MBP: variants seen among roughly 807,000 people sequenced by gnomAD.
MBP encodes the protein myelin basic protein, also known as Golli-MBP.
In MBP, 16 loss-of-function variants were observed where a neutral mutation model predicts 35.8. The observed-to-expected ratio is 0.45, with a 90% CI of 0.30 to 0.68. The LOEUF is 0.68. Ranked by LOEUF, MBP falls within the 30% of genes least tolerant of loss-of-function variation. The pLI is 0.08. For missense variants in MBP, 380 were observed against 404.7 expected, an observed-to-expected ratio of 0.94 and a Z score of 0.52; for synonymous variants, 143 against 159.6, an observed-to-expected ratio of 0.90 and a Z score of 0.78.
intron 3 of MBP, among the ~76,000 whole-genome samples, chr18:77,030,483 T>C (rs1198935757): frequency 1.3e-5 from 2 of 152,216 alleles, no homozygotes; most frequent in African/African-American, 4.8e-5. Flanking sequence ...AGGACGGCCC[T>C]GTGGTACCGG....
In MBP at chr18:77,014,948, G is replaced by T. The variant is rs189656783; in HGVS notation, c.576+1884C>A. The T allele has an allele frequency of 3.1e-4, 301 of 984,278 alleles. 2 individuals carry two copies. The African/African-American group carries it at 4.9e-3, about 16-fold the overall frequency. 61.0% of individuals were successfully genotyped at this position (984,278 alleles called of 1,614,324 possible). The stretch of plus-strand genomic sequence containing the variant: ...AATTATTTTTATTTTTAAAATTTTT[G>T]AAAGTGTTTTGATTTTTATGGGTCC... On this transcript the variant is annotated intron_variant, in intron 4 of 8. Transcript: ENST00000355994.
chr18:77,120,706 G>A (rs1976862479), intron 1 of MBP, among the ~76,000 whole-genome samples: 1 of 152,146 alleles, frequency 6.6e-6, no homozygotes, highest in South Asian at 2.1e-4. Flanking sequence ...ATTGGGATTC[G>A]GAAAACCACG....
intron 1 of MBP, among the ~76,000 whole-genome samples, chr18:77,123,496 G>A (rs762098855): frequency 1.4e-4 from 21 of 152,158 alleles, no homozygotes; most frequent in Non-Finnish European, 2.9e-4. Context: ...GAGCTGTGTC[G>A]ACCTGGAAAC....
At chr18:77,087,945 T>C (rs1010435689) in intron 2 of MBP, among the ~76,000 whole-genome samples, 2 of 151,786 alleles carry the variant, frequency 1.3e-5, no homozygotes, top group Non-Finnish European at 2.9e-5. Flanking sequence ...TTCCACAGCC[T>C]ATGTCCACGC....
At chr18:77,088,430 C>CA (rs1975358107) in intron 2 of MBP, among the ~76,000 whole-genome samples, 1 of 152,224 alleles carries the variant, frequency 6.6e-6, no homozygotes, top group African/African-American at 2.4e-5. Context: ...CAACGTATGA[C>CA]TGTTGGGGCC....
intron 3 of MBP, among the ~76,000 whole-genome samples, chr18:77,056,960 G>A (rs567164371): frequency 2.0e-5 from 3 of 152,212 alleles, no homozygotes; most frequent in Admixed American, 6.5e-5. Context: ...CCACACCCAC[G>A]GCGTGAGATT....
chr18:77,041,600 A>C (rs1415748260), intron 3 of MBP, among the ~76,000 whole-genome samples: 2 of 152,114 alleles, frequency 1.3e-5, no homozygotes, highest in Non-Finnish European at 2.9e-5. Context: ...ATGCAGCCAT[A>C]AAAAATGATG....
chr18:77,014,777 T>C, intron 4 of MBP: 11 of 985,224 alleles, frequency 1.1e-5, no homozygotes, highest in Non-Finnish European at 1.3e-5. Context: ...TCACAGCTGC[T>C]CTGTGATCAC....
At chr18:76,993,981 T>C (rs921590847) in intron 4 of MBP, among the ~76,000 whole-genome samples, 23 of 152,380 alleles carry the variant, frequency 1.5e-4, no homozygotes, top group Admixed American at 1.4e-3. Context: ...AGTAATTCTC[T>C]GATTCTCCTT....
intron 3 of MBP, among the ~76,000 whole-genome samples, chr18:77,027,819 C>G (rs1168556914): frequency 6.6e-6 from 1 of 152,114 alleles, no homozygotes; most frequent in Admixed American, 6.5e-5. Context: ...TCCTGAGGAG[C>G]TGTGACTACA....
intron 3 of MBP, among the ~76,000 whole-genome samples, chr18:77,026,047 G>C (rs910148604): frequency 1.7e-4 from 26 of 152,254 alleles, no homozygotes; most frequent in African/African-American, 6.3e-4. Flanking sequence ...TGCGGAGCCT[G>C]GGATGAGGCT....
intron 2 of MBP, among the ~76,000 whole-genome samples, chr18:77,066,946 C>T (rs1186831999): frequency 1.3e-5 from 2 of 152,346 alleles, no homozygotes; most frequent in Middle Eastern, 3.4e-3. Context: ...TGGGAATCTT[C>T]GGCTTCAGAG....
At chr18:77,103,930 C>G (rs768367914) in intron 2 of MBP, among the ~76,000 whole-genome samples, 4 of 152,264 alleles carry the variant, frequency 2.6e-5, no homozygotes, top group Non-Finnish European at 4.4e-5. Context: ...ATGGCAAATG[C>G]CGTGCTAGAA....
At chr18:77,071,408 G>A (rs1974442725) in intron 2 of MBP, among the ~76,000 whole-genome samples, 2 of 151,322 alleles carry the variant, frequency 1.3e-5, no homozygotes, top group Admixed American at 1.3e-4. Flanking sequence ...GATGTCCTAA[G>A]CTTGTCCAGC....
At chr18:77,040,517 C>T (rs771673678) in intron 3 of MBP, among the ~76,000 whole-genome samples, 6 of 152,162 alleles carry the variant, frequency 3.9e-5, no homozygotes, top group Admixed American at 6.5e-5. Flanking sequence ...ATCATGCTAC[C>T]TGACTTCAAA....
At chr18:76,986,391 A>C in intron 7 of MBP, 1 of 985,482 alleles carries the variant, frequency 1.0e-6, no homozygotes, top group South Asian at 4.7e-5. Flanking sequence ...TTTAGAGGTG[A>C]GGAAGATGAC....
At chr18:77,118,278 C>T (rs566615257) in intron 1 of MBP, among the ~76,000 whole-genome samples, 1 of 151,806 alleles carries the variant, frequency 6.6e-6, no homozygotes, top group South Asian at 2.1e-4. Context: ...CCCACCCCAT[C>T]TCTCCCCTAG....
chr18:77,007,013 G>T (rs757424207), intron 4 of MBP, among the ~76,000 whole-genome samples: 3 of 152,164 alleles, frequency 2.0e-5, no homozygotes, highest in Non-Finnish European at 4.4e-5. Context: ...TTTCTCAGCC[G>T]CAGGGCAGGG....
chr18:77,014,311 G>A, intron 4 of MBP: 1 of 985,578 alleles, frequency 1.0e-6, no homozygotes, highest in Non-Finnish European at 1.2e-6. Flanking sequence ...GGGAGGAAGA[G>A]CACAGGAGGG....
Sources: gnomAD v4.1 joint callset for allele counts (sites outside exome capture counted in the v4.1 genomes callset) on GRCh38, gnomAD v4.1.1 for gene constraint, MANE v1.5 for transcripts, NCBI Gene and HGNC (gene_info 2026-07-23, HGNC 2026-07-21) for gene names.